The following ATP4A variants were observed in gnomAD, a reference collection of about 807,000 sequenced individuals.
ATP4A encodes potassium-transporting ATPase alpha chain 1.
Under a neutral mutation model 112.1 loss-of-function variants are expected in ATP4A, and 73 were observed. The ratio of observed to expected loss-of-function variants is 0.65; its 90% CI spans 0.54 to 0.79. The LOEUF is 0.79. ATP4A is among the 30% of genes least tolerant of loss of function. The probability of loss-of-function intolerance (pLI) is 0.00; values close to 1 mark genes in which losing one functional copy is unlikely to be tolerated. For missense variants in ATP4A, 1,081 were observed against 1,425.9 expected (o/e 0.76, Z 3.90); for synonymous variants, 588 against 588.9 (o/e 1.00, Z 0.02).
chr19:35,563,499 A>G lies in ATP4A; in HGVS notation c.41T>C (p.Leu14Pro), dbSNP rs1398291722. 1 of 1,613,374 alleles carries G rather than the reference A, an allele frequency of 6.2e-7. No individual in the cohort carries two copies. The highest frequency in any genetic ancestry group is 1.7e-5 in the Admixed American group (1 of 59,960). ...CATGTCCCCGCCAGGGCCAGGACCC[A>G]GCTCCACCGAGTAGAGCTCATAGTT... ...AENYELYSVE[L>P]GPGPGGDMAA... The change falls in exon 2 of 22, where the codon CTG becomes CCG. Residue 14 changes from leucine to proline, a missense_variant. Leu to Pro is a moderately conservative substitution (Grantham distance 98). Around this residue, in one of 3 missense-constraint regions of ATP4A, gnomAD observed 850 missense variants for 1,068.2 expected, o/e 0.80. Coordinates refer to ENST00000262623, the MANE Select transcript of ATP4A (RefSeq NM_000704.3).
chr19:35,558,381 T>G lies in ATP4A; in HGVS notation c.1481A>C (p.Asn494Thr), dbSNP rs1568315027. 2 of 1,610,434 alleles carry G rather than the reference T, an allele frequency of 1.2e-6. No individual in the cohort carries two copies. The highest frequency in any genetic ancestry group is 4.5e-5 in the East Asian group (2 of 44,678). Residue 494 changes from asparagine to threonine, a missense_variant, in exon 10 of 22, where the codon AAC becomes ACC. Coordinates refer to ENST00000262623, the MANE Select transcript of ATP4A (RefSeq NM_000704.3). The surrounding 1 kb of genome is among the most constrained non-coding windows in gnomAD (Gnocchi z 5.1). ...GCGCACCTGGAACTTGTTGGTGGAG[T>G]TGAAGGGTATCTCGCAGACTTTTGG... is the stretch of plus-strand genomic sequence containing the variant. ...RFPKVCEIPF[N>T]STNKFQLSIH... is the part of the protein sequence containing the mutation.
chr19:35,558,527 G>A lies in ATP4A; in HGVS notation c.1366-31C>T. The A allele has an allele frequency of 6.3e-7, 1 of 1,589,660 alleles. No individual in the cohort carries two copies. Among genetic ancestry groups the A allele is most frequent in the Non-Finnish European group, 8.6e-7 (1 of 1,168,856 alleles). On this transcript the variant is annotated intron_variant, in intron 9 of 21. Transcript: ENST00000262623. The surrounding 1 kb of genome is among the most constrained non-coding windows in gnomAD (Gnocchi z 5.1). ...AGCGGGGACCGGTGTCAGGGGCGAA[G>A]CCGGCTACACCAGCCTCCCGGGATT...
rs1300095698 is a variant in ATP4A at position 35,558,861 on chromosome 19, C to T, written c.1255+132G>A. On this transcript the variant is annotated intron_variant, in intron 8 of 21. Transcript: ENST00000262623. The surrounding 1 kb of genome is among the most constrained non-coding windows in gnomAD (Gnocchi z 5.1). Reference sequence around the variant, plus strand: ...TGACCCTTCCCTCTAGACCCGGTAGCGAGTCTCCTTTGAGACCTGGAGCCG... The same window carrying T: ...TGACCCTTCCCTCTAGACCCGGTAGTGAGTCTCCTTTGAGACCTGGAGCCG... 7 of 1,311,986 alleles carry T rather than the reference C, an allele frequency of 5.3e-6. No individual in the cohort carries two copies. Among genetic ancestry groups the T allele is most frequent in the East Asian group, 2.3e-5 (1 of 42,570 alleles). The allele number at this position is 1,311,986 out of a possible 1,614,324, so 81.3% of individuals were successfully genotyped here. A position where few individuals can be genotyped will look rare whatever the true frequency, so the allele number is the denominator to read the frequency against.
In ATP4A at chr19:35,551,908, A is replaced by G. The variant is rs2071604291; in HGVS notation, c.2752-328T>C. On this transcript the variant is annotated intron_variant, in intron 18 of 21. Coordinates refer to ENST00000262623, the MANE Select transcript of ATP4A (RefSeq NM_000704.3). The surrounding 1 kb of genome is among the most constrained non-coding windows in gnomAD (Gnocchi z 5.2). The stretch of plus-strand genomic sequence containing the variant: ...GGGAAAGGGGAATTGAAATCCTCAG[A>G]TGGGATTTGCAAAGTCCAGTGACTC... Among the ~76,000 whole-genome samples, 1 of 152,128 alleles carries G rather than the reference A, an allele frequency of 6.6e-6. No individual in the cohort carries two copies. Among genetic ancestry groups the G allele is most frequent in the African/African-American group, 2.4e-5 (1 of 41,420 alleles).
Position 35,551,165 on chromosome 19 carries a change from T to G in ATP4A, c.2886-54A>C. 6.6e-7 allele frequency: 1 copy of G among 1,525,782 alleles called. No homozygotes were observed. Among genetic ancestry groups the G allele is most frequent in the Non-Finnish European group, 8.9e-7 (1 of 1,120,990 alleles). The allele number at this position is 1,525,782 out of a possible 1,614,324, so 94.5% of individuals were successfully genotyped here. On this transcript the variant is annotated intron_variant, in intron 19 of 21. Transcript: ENST00000262623. The surrounding 1 kb of genome is among the most constrained non-coding windows in gnomAD (Gnocchi z 5.2). ...TTAGGAATTGGGGACGTGATGGAAA[T>G]CAGGATACTGTGGGTCAAAGTAGGT... is the stretch of plus-strand genomic sequence containing the variant.
rs1178510909 is a variant in ATP4A at position 35,555,236 on chromosome 19, A to G, written c.2256T>C (p.Ala752=). ...GVAMGIAGSD[A]AKNAADMILL... ...GGATCATGTCAGCTGCATTTTTGGC[A>G]GCATCTGAGCCAGCGATGCCCATGG... Residue 752 remains alanine, a synonymous_variant, in exon 15 of 22, where the codon GCT becomes GCC. Transcript: ENST00000262623. The surrounding 1 kb of genome is among the most constrained non-coding windows in gnomAD (Gnocchi z 6.6). 1 of 1,614,148 alleles carries G rather than the reference A, an allele frequency of 6.2e-7. No individual in the cohort carries two copies. Among genetic ancestry groups the G allele is most frequent in the Non-Finnish European group, 8.5e-7 (1 of 1,180,032 alleles).
chr19:35,555,529 C>G lies in ATP4A; in HGVS notation c.2068G>C (p.Val690Leu), dbSNP rs1008984874. The G allele has an allele frequency of 6.2e-7, 1 of 1,603,556 alleles. No individual in the cohort carries two copies. Among genetic ancestry groups the G allele is most frequent in the African/African-American group, 1.3e-5 (1 of 74,958 alleles). Residue 690 changes from valine to leucine, a missense_variant, in exon 14 of 22, where the codon GTC becomes CTC. Transcript: ENST00000262623. The surrounding 1 kb of genome is among the most constrained non-coding windows in gnomAD (Gnocchi z 6.6). Reference sequence around the variant, plus strand: ...TCGGGGTGGGTGCGCAGGGCCTCGACCAGTTCCGATGGGTCCATGTCCTTC... The same window carrying G: ...TCGGGGTGGGTGCGCAGGGCCTCGAGCAGTTCCGATGGGTCCATGTCCTTC... ...QLKDMDPSELVEALRTHPEMV... is the reference protein window; with the variant it reads ...QLKDMDPSELLEALRTHPEMV...
Position 35,558,360 on chromosome 19 carries a change from A to G in ATP4A, c.1500+2T>C. ...AGGCCGTGGGCGGGGCCGGCTGCGC[A>G]CCTGGAACTTGTTGGTGGAGTTGAA... On this transcript the variant is annotated splice_donor_variant, in intron 10 of 21. Transcript: ENST00000262623. LOFTEE classifies it high-confidence loss of function. This position sits in a 1 kb window ranked among gnomAD's most constrained non-coding sequence, Gnocchi z 5.1. 1.2e-5 allele frequency: 20 copies of G among 1,608,952 alleles called. No homozygotes were observed. Among genetic ancestry groups the G allele is most frequent in the Non-Finnish European group, 1.7e-5 (20 of 1,177,820 alleles).
chr19:35,561,873 TAAGATGCAG>T (rs2071672939), intron 4 of ATP4A, among the ~76,000 whole-genome samples: 1 of 132,138 alleles, frequency 7.6e-6, no homozygotes. Context: ...TTTTTTTTTT[TAAGATGCAG>T]TCTCGCTCTG....
chr19:35,550,920 T>C lies in ATP4A; in HGVS notation c.2993A>G (p.Gln998Arg), dbSNP rs780666796. 1.4e-5 allele frequency: 22 copies of C among 1,614,146 alleles called. No individual in the cohort carries two copies. Among genetic ancestry groups the C allele is most frequent in the Non-Finnish European group, 1.9e-5 (22 of 1,179,974 alleles). Residue 998 changes from glutamine to arginine, a missense_variant, in exon 21 of 22, where the codon CAG becomes CGG. Gln to Arg is a conservative substitution (Grantham distance 43). This residue lies in a region of ATP4A where 219 missense variants were observed against 320.9 expected (regional missense o/e 0.68). Coordinates refer to ENST00000262623, the MANE Select transcript of ATP4A (RefSeq NM_000704.3). This position sits in a 1 kb window ranked among gnomAD's most constrained non-coding sequence, Gnocchi z 4.1. ...NIFNFMPIRF[Q>R]WWLVPLPYGI... ...GTAGGGCAGGGGGACCAGCCACCAC[T>C]GGAACCTGAAGGCACATGGCAAGGT...
In ATP4A at chr19:35,558,724, G is replaced by C. The variant is rs1305386908; in HGVS notation, c.1256-38C>G. The C allele has an allele frequency of 1.9e-6, 3 of 1,542,416 alleles. No individual in the cohort carries two copies. In the African/African-American group the frequency reaches 4.1e-5, roughly 21 times the overall value. ...CGTCCAGGCTGGGTCCCGCACGGCG[G>C]CTCTCCCGGACCAGAACCGAGCCCC... is the stretch of plus-strand genomic sequence containing the variant. On this transcript the variant is annotated intron_variant, in intron 8 of 21. Coordinates refer to ENST00000262623, the MANE Select transcript of ATP4A (RefSeq NM_000704.3). The surrounding 1 kb of genome is among the most constrained non-coding windows in gnomAD (Gnocchi z 5.1).
chr19:35,555,719 T>C lies in ATP4A; in HGVS notation c.1963A>G (p.Ile655Val). 6.2e-7 allele frequency: 1 copy of C among 1,611,556 alleles called. No individual in the cohort carries two copies. Among genetic ancestry groups the C allele is most frequent in the South Asian group, 1.1e-5 (1 of 91,024 alleles). ...ISEGSETVED[I>V]AARLRVPVDQ... ...ACGGGCACACGGAGGCGGGCAGCGA[T>C]GTCCTCCACTGTCTCGCTGCCTTCC... Residue 655 changes from isoleucine (I) to valine (V), a missense_variant, in exon 13 of 22, where the codon ATC (isoleucine) becomes GTC (valine). Around this residue, in one of 3 missense-constraint regions of ATP4A, gnomAD observed 850 missense variants for 1,068.2 expected, o/e 0.80. Transcript: ENST00000262623. The surrounding 1 kb of genome is among the most constrained non-coding windows in gnomAD (Gnocchi z 6.6).
rs763678248 is a variant in ATP4A at position 35,557,721 on chromosome 19, C to T, written c.1627G>A (p.Glu543Lys). ...GTCTGGAAGGCCTCGCGCCACTGCT[C>T]GTCCAGCGGCAGCTCCTGGCCCTTG... The part of the protein sequence containing the change: ...LIKGQELPLD[E>K]QWREAFQTAY... Residue 543 changes from glutamate to lysine, a missense_variant, in exon 11 of 22, where the codon GAG (glutamate) becomes AAG (lysine). By Grantham distance (56) the Glu-to-Lys change is moderately conservative (BLOSUM62 1). Transcript: ENST00000262623. This position sits in a 1 kb window ranked among gnomAD's most constrained non-coding sequence, Gnocchi z 4.4. 2.5e-6 allele frequency: 4 copies of T among 1,607,764 alleles called. No individual in the cohort carries two copies. The highest frequency in any genetic ancestry group is 1.1e-5 in the South Asian group (1 of 90,294).
chr19:35,558,820 G>A lies in ATP4A; in HGVS notation c.1256-134C>T. The A allele has an allele frequency of 1.6e-6, 2 of 1,264,592 alleles. No individual in the cohort carries two copies. The highest frequency in any genetic ancestry group is 2.2e-6 in the Non-Finnish European group (2 of 927,712). The allele number at this position is 1,264,592 out of a possible 1,614,324, so 78.3% of individuals were successfully genotyped here. A position where few individuals can be genotyped will look rare whatever the true frequency, so the allele number is the denominator to read the frequency against. ...GAATTGGGTTCCACCCAACCCTGAG[G>A]GACCCAGCCCCCGGATGACCCTTCC... On this transcript the variant is annotated intron_variant, in intron 8 of 21. Coordinates refer to ENST00000262623, the MANE Select transcript of ATP4A (RefSeq NM_000704.3). This position sits in a 1 kb window ranked among gnomAD's most constrained non-coding sequence, Gnocchi z 5.1.
At position 35,550,884 on chromosome 19, in the gene ATP4A, A is replaced by G. The variant is rs1360637786; in HGVS notation, c.3029T>C (p.Ile1010Thr). The stretch of plus-strand genomic sequence containing the variant: ...CTTCCGGATCTCATCATAGACGAAG[A>G]TGAGGATGCCGTAGGGCAGGGGGAC... Reference protein sequence around the residue: ...WLVPLPYGILIFVYDEIRKLG... With the variant: ...WLVPLPYGILTFVYDEIRKLG... The change falls in exon 21 of 22, where the codon ATC becomes ACC. Residue 1010 changes from isoleucine (I) to threonine (T), a missense_variant. Ile to Thr is a moderately conservative substitution (Grantham distance 89). Around this residue, in one of 3 missense-constraint regions of ATP4A, gnomAD observed 219 missense variants for 320.9 expected, o/e 0.68. Transcript: ENST00000262623. The surrounding 1 kb of genome is among the most constrained non-coding windows in gnomAD (Gnocchi z 4.1). The G allele has an allele frequency of 6.2e-7, 1 of 1,614,240 alleles. No homozygotes were observed. Among genetic ancestry groups the G allele is most frequent in the South Asian group, 1.1e-5 (1 of 91,092 alleles).
chr19:35,551,291 G>A lies in ATP4A; in HGVS notation c.2885+156C>T, dbSNP rs1313113489. On this transcript the variant is annotated intron_variant, in intron 19 of 21. Transcript: ENST00000262623. The surrounding 1 kb of genome is among the most constrained non-coding windows in gnomAD (Gnocchi z 5.2). ...TTAGTGAAATGTGGAGGGGGCCGTG[G>A]GGGGAGTTATTGGCCAGTTAGAAAG... 6.6e-6 allele frequency among the ~76,000 whole-genome samples: 1 copy of A among 152,120 alleles called. No individual in the cohort carries two copies. Among genetic ancestry groups the A allele is most frequent in the African/African-American group, 2.4e-5 (1 of 41,418 alleles).
At position 35,560,169 on chromosome 19, in the gene ATP4A, G is replaced by A; in HGVS notation, c.788-96C>T. 1 of 1,551,466 alleles carries A rather than the reference G, an allele frequency of 6.4e-7. No homozygotes were observed. The highest frequency in any genetic ancestry group is 1.2e-5 in the South Asian group (1 of 83,820). On this transcript the variant is annotated intron_variant, in intron 6 of 21. Transcript: ENST00000262623. This position sits in a 1 kb window ranked among gnomAD's most constrained non-coding sequence, Gnocchi z 5.1. ...AGGACAGCCAGTCACTGCCAGTGGA[G>A]GATGTGACCTGGGAGAGGGTAGTGA...
At position 35,558,018 on chromosome 19, in the gene ATP4A, T is replaced by G; in HGVS notation, c.1501-171A>C. On this transcript the variant is annotated intron_variant, in intron 10 of 21. Coordinates refer to ENST00000262623, the MANE Select transcript of ATP4A (RefSeq NM_000704.3). The surrounding 1 kb of genome is among the most constrained non-coding windows in gnomAD (Gnocchi z 5.1). ...ATGGAGGCCTTGTGTGGAGGGGTCC[T>G]TGGTAGAAGGTAAGCGTTAAGGCGG... The G allele has an allele frequency of 1.6e-6, 1 of 633,836 alleles. No homozygotes were observed. The highest frequency in any genetic ancestry group is 2.7e-6 in the Non-Finnish European group (1 of 374,316). The allele number at this position is 633,836 out of a possible 1,614,324, so 39.3% of individuals were successfully genotyped here.
chr19:35,550,513 C>A lies in ATP4A; in HGVS notation c.*102G>T. ...GAAGCAGATACTGGTGGGGCTGGGA[C>A]TCTTGGTTGCTCAGATATCTTGGTG... is the stretch of plus-strand genomic sequence containing the variant. On this transcript the variant is annotated 3_prime_UTR_variant, in exon 22 of 22. Coordinates refer to ENST00000262623, the MANE Select transcript of ATP4A (RefSeq NM_000704.3). The surrounding 1 kb of genome is among the most constrained non-coding windows in gnomAD (Gnocchi z 4.1). The A allele has an allele frequency of 6.7e-7, 1 of 1,489,510 alleles. No individual in the cohort carries two copies. Among genetic ancestry groups the A allele is most frequent in the Non-Finnish European group, 9.3e-7 (1 of 1,077,838 alleles). 92.3% of individuals were successfully genotyped at this position (1,489,510 alleles called of 1,614,324 possible).
Sources: allele counts gnomAD v4.1 joint callset (sites outside exome capture counted in the v4.1 genomes callset), GRCh38; gene constraint gnomAD v4.1.1; regional missense constraint gnomAD v4.1.1; non-coding constraint Gnocchi (gnomAD v3.1); transcripts MANE v1.5; gene names NCBI Gene and HGNC (gene_info 2026-07-23, HGNC 2026-07-21).